The following USP45 variants were observed in gnomAD, a reference collection of about 807,000 sequenced individuals.
USP45 encodes ubiquitin carboxyl-terminal hydrolase 45.
USP45 carries 89 observed loss-of-function variants against 95.8 expected under a neutral mutation model. The observed-to-expected ratio is 0.93, with a 90% CI of 0.78 to 1.11. USP45 has a LOEUF of 1.11. Ranked by LOEUF, USP45 falls within the 50% of genes least tolerant of loss-of-function variation. The pLI, the probability that USP45 is intolerant of heterozygous loss-of-function variation, is 0.00. For synonymous variants in USP45, 281 were observed against 316.2 expected, an observed-to-expected ratio of 0.89 and a Z score of 1.18; for missense variants, 898 against 942.5, an observed-to-expected ratio of 0.95 and a Z score of 0.62.
intron 8 of USP45, among the ~76,000 whole-genome samples, chr6:99,478,218 T>C (rs1007770555): frequency 8.7e-6 from 1 of 114,306 alleles, no homozygotes; most frequent in South Asian, 2.8e-4. Flanking sequence ...AAACTTAGAT[T>C]TGTTTTTTTT....
At chr6:99,503,375 G>A (rs1435126838) in intron 5 of USP45, among the ~76,000 whole-genome samples, 1 of 150,758 alleles carries the variant, frequency 6.6e-6, no homozygotes, top group Admixed American at 6.6e-5. Context: ...TGCCTAGACT[G>A]GAGTGCAGTG....
intron 5 of USP45, among the ~76,000 whole-genome samples, chr6:99,493,983 T>C (rs1795766339): frequency 6.6e-6 from 1 of 152,220 alleles, no homozygotes; most frequent in South Asian, 2.1e-4. Context: ...CAAGATGTTT[T>C]TAAGTATGAT....
intron 15 of USP45, among the ~76,000 whole-genome samples, chr6:99,440,646 G>C (rs371657061): frequency 3.9e-5 from 6 of 152,144 alleles, no homozygotes; most frequent in Non-Finnish European, 7.4e-5. Flanking sequence ...GTTTACTGTA[G>C]ATCTGTTGCT....
chr6:99,513,292 T>G (rs776229951), intron 1 of USP45, among the ~76,000 whole-genome samples: 1 of 152,150 alleles, frequency 6.6e-6, no homozygotes, highest in Non-Finnish European at 1.5e-5. Context: ...CTGGTCAACT[T>G]ACATACTATC....
rs529767381 is a variant in USP45, at chr6:99,449,452, C to A, written c.1309-2989G>T. On this transcript the variant is annotated intron_variant, in intron 13 of 17. Transcript: ENST00000500704. The stretch of plus-strand genomic sequence containing the variant: ...TTACATAATGGTAAAGGGATCAATT[C>A]AACAAGAAGAGCTAACTATCCTAAA... Among the ~76,000 whole-genome samples the A allele has an allele frequency of 2.0e-5, 3 of 152,262 alleles. No individual in the cohort carries two copies. The South Asian group carries it at 6.2e-4, about 32-fold the overall frequency.
Position 99,445,979 on chromosome 6 carries a change from T to C in USP45, c.1793A>G (p.Tyr598Cys). 1 of 1,614,048 alleles carries C rather than the reference T, an allele frequency of 6.2e-7. No homozygotes were observed. The highest frequency in any genetic ancestry group is 1.1e-5 in the South Asian group (1 of 91,062). The change falls in exon 14 of 18, where the codon TAT (tyrosine) becomes TGT (cysteine). Residue 598 changes from tyrosine (Y) to cysteine (C), a missense_variant. Transcript: ENST00000500704. ...GGTCTGAAAAGCATTTTGGGGACTA[T>C]AAGACCTCAAATGCTTCCCCTCTAA... ...CFLEGKHLRS[Y>C]SPQNAFQTLS...
At chr6:99,450,982 C>T (rs1783723969) in intron 13 of USP45, among the ~76,000 whole-genome samples, 1 of 152,176 alleles carries the variant, frequency 6.6e-6, no homozygotes, top group Non-Finnish European at 1.5e-5. Context: ...CAAAATTCAA[C>T]AGCCCTTAAT....
intron 13 of USP45, among the ~76,000 whole-genome samples, chr6:99,450,055 C>T (rs1031490725): frequency 2.0e-5 from 3 of 152,078 alleles, no homozygotes; most frequent in African/African-American, 7.2e-5. Flanking sequence ...ATTTATAGTA[C>T]TAAATGCCCA....
At chr6:99,448,300 T>C (rs536545870) in intron 13 of USP45, among the ~76,000 whole-genome samples, 2 of 152,228 alleles carry the variant, frequency 1.3e-5, no homozygotes, top group South Asian at 4.1e-4. Flanking sequence ...TGAAAAAAGA[T>C]TAGACAAAGG....
At chr6:99,475,066 A>G (rs1478986530) in intron 9 of USP45, among the ~76,000 whole-genome samples, 4 of 152,204 alleles carry the variant, frequency 2.6e-5, no homozygotes. Flanking sequence ...ATTTAATCCA[A>G]CATGGAATAA....
intron 1 of USP45, among the ~76,000 whole-genome samples, chr6:99,512,340 G>A (rs1800067675): frequency 6.6e-6 from 1 of 151,982 alleles, no homozygotes; most frequent in East Asian, 1.9e-4. Flanking sequence ...CACTGCTGGG[G>A]GCCCATAGAA....
At chr6:99,493,643 G>A (rs946227741) in intron 5 of USP45, among the ~76,000 whole-genome samples, 5 of 152,018 alleles carry the variant, frequency 3.3e-5, no homozygotes, top group African/African-American at 7.2e-5. Context: ...GATTACAGGC[G>A]TCCACCACTA....
intron 5 of USP45, among the ~76,000 whole-genome samples, chr6:99,498,167 G>A (rs1796697033): frequency 6.6e-6 from 1 of 152,154 alleles, no homozygotes; most frequent in Non-Finnish European, 1.5e-5. Flanking sequence ...ATTCACTACT[G>A]CATCTCCAAC....
At position 99,443,562 on chromosome 6, in the gene USP45, T is replaced by TA; in HGVS notation, c.2073+2dup. ...AAATTATGGTGCTACTGAAGAAACT[T>TA]ACCTGATGAAATCTTTTCAGGTGGA... On this transcript the variant is annotated splice_region_variant and intron_variant, in intron 15 of 17. Transcript: ENST00000500704. The TA allele has an allele frequency of 1.9e-6, 3 of 1,599,416 alleles. No homozygotes were observed. The highest frequency in any genetic ancestry group is 2.6e-6 in the Non-Finnish European group (3 of 1,171,436).
chr6:99,511,663 G>A (rs995060979), intron 1 of USP45, among the ~76,000 whole-genome samples: 24 of 151,796 alleles, frequency 1.6e-4, no homozygotes, highest in African/African-American at 5.6e-4. Flanking sequence ...ATGTTGCCCA[G>A]GCTGGTCTCG....
At chr6:99,488,937 G>T in intron 5 of USP45, 117 bp from the exon 6 acceptor site, 1 of 747,002 alleles carries the variant, frequency 1.3e-6, no homozygotes. Context: ...CTGAATCAGT[G>T]TTCCTGAAGG....
Position 99,446,436 on chromosome 6 carries a change from T to C in USP45, c.1336A>G (p.Ile446Val). The change falls in exon 14 of 18, where the codon ATT becomes GTT. Residue 446 changes from isoleucine to valine, a missense_variant. Physicochemically the swap from Ile to Val is conservative, Grantham distance 29. Coordinates refer to ENST00000500704, the MANE Select transcript of USP45 (RefSeq NM_001346022.3). ...KSQLIHDRKCIRKLSSGETVT... is the reference protein window; with the variant it reads ...KSQLIHDRKCVRKLSSGETVT... ...GTTTCTCCAGATGACAATTTTCTAA[T>C]ACATTTTCGGTCATGAATTAGTTGA... The C allele has an allele frequency of 6.2e-7, 1 of 1,613,636 alleles. No homozygotes were observed. Among genetic ancestry groups the C allele is most frequent in the East Asian group, 2.2e-5 (1 of 44,878 alleles).
At chr6:99,471,148 A>T (rs1014904651) in intron 9 of USP45, among the ~76,000 whole-genome samples, 4 of 152,144 alleles carry the variant, frequency 2.6e-5, no homozygotes, top group Admixed American at 6.5e-5. Context: ...CCTAACCGTG[A>T]ATTTATATTC....
intron 13 of USP45, among the ~76,000 whole-genome samples, chr6:99,450,399 T>C (rs983689907): frequency 3.3e-5 from 5 of 152,244 alleles, no homozygotes; most frequent in African/African-American, 4.8e-5. Context: ...GAGAATACTA[T>C]AAACACCTCT....
Sources: gnomAD v4.1 joint callset for allele counts (sites outside exome capture counted in the v4.1 genomes callset) on GRCh38, gnomAD v4.1.1 for gene constraint, MANE v1.5 for transcripts, NCBI Gene and HGNC (gene_info 2026-07-23, HGNC 2026-07-21) for gene names.